Variants in DOCK8 observed in about 807,000 individuals in gnomAD.
DOCK8 encodes dedicator of cytokinesis 8.
In DOCK8, 141 loss-of-function variants were observed where a neutral mutation model predicts 245.6. The observed-to-expected ratio is 0.57, with a 90% CI of 0.50 to 0.66. DOCK8 has a LOEUF of 0.66. Ranked by LOEUF, DOCK8 falls within the 30% of genes least tolerant of loss-of-function variation. The pLI is 0.00. For synonymous variants in DOCK8, 1,168 were observed against 970.2 expected, an observed-to-expected ratio of 1.20 and a Z score of -3.79; for missense variants, 2,965 against 2,603.4, an observed-to-expected ratio of 1.14 and a Z score of -3.02.
At chr9:275,575 A>G (rs571177902) in intron 2 of DOCK8, among the ~76,000 whole-genome samples, 3 of 152,248 alleles carry the variant, frequency 2.0e-5, no homozygotes, top group South Asian at 2.1e-4. Flanking sequence ...CAGCTCTGTT[A>G]TTTATTTATT....
At chr9:356,304 G>A (rs953631958) in intron 14 of DOCK8, among the ~76,000 whole-genome samples, 2 of 152,022 alleles carry the variant, frequency 1.3e-5, no homozygotes, top group Admixed American at 6.6e-5. Context: ...CGAGGCGGGC[G>A]GATCACGAGG....
chr9:325,650 T>G lies in DOCK8; in HGVS notation c.828-21T>G, dbSNP rs377292038. ...TTATCTAACTCAAAGCCACATAGAT[T>G]TTCCTCTCTTTCTATGGTAGGTTCG... On this transcript the variant is annotated intron_variant, in intron 7 of 47. Coordinates refer to ENST00000432829, the MANE Select transcript of DOCK8 (RefSeq NM_203447.4). 24 of 1,609,178 alleles carry G rather than the reference T, an allele frequency of 1.5e-5. No homozygotes were observed. In the African/African-American group the frequency reaches 2.7e-4, roughly 18 times the overall value.
intron 14 of DOCK8, among the ~76,000 whole-genome samples, chr9:351,043 A>G (rs2052142554): frequency 6.6e-6 from 1 of 152,098 alleles, no homozygotes; most frequent in East Asian, 1.9e-4. Context: ...GTTCACTGGG[A>G]TTTTGTTGTA....
intron 1 of DOCK8, among the ~76,000 whole-genome samples, chr9:246,417 C>A (rs1170961550): frequency 1.3e-5 from 2 of 152,006 alleles, no homozygotes; most frequent in African/African-American, 4.8e-5. Flanking sequence ...GTAGTCCCAC[C>A]TACTAGAGAG....
In DOCK8 at chr9:429,736, A is replaced by G. The variant is rs2056639719; in HGVS notation, c.4508A>G (p.Gln1503Arg). The G allele has an allele frequency of 6.2e-7, 1 of 1,614,196 alleles. No individual in the cohort carries two copies. Among genetic ancestry groups the G allele is most frequent in the South Asian group, 1.1e-5 (1 of 91,088 alleles). ...TTACTCTTTGAAGAGGAGGTGGAAC[A>G]GTGTTTCGACCTATGTCACCAAGTC... is the stretch of plus-strand genomic sequence containing the variant. The part of the protein sequence containing the change: ...GDLLFEEEVE[Q>R]CFDLCHQVLH... The change falls in exon 36 of 48, where the codon CAG (glutamine) becomes CGG (arginine). Residue 1503 changes from glutamine (Q) to arginine (R), a missense_variant. Around this residue, in one of 3 missense-constraint regions of DOCK8, gnomAD observed 2,825 missense variants for 2,453.5 expected, o/e 1.15. Transcript: ENST00000432829.
rs1487546579 is a variant in DOCK8 at position 340,308 on chromosome 9, C to T, written c.1666C>T (p.His556Tyr). ...TCCAACACGAGAAGTATATGTCCCT[C>T]ACACTGTGTACAGGTAAGAAACACA... ...EFPTREVYVP[H>Y]TVYRNLLYVY... Residue 556 changes from histidine to tyrosine, a missense_variant, in exon 14 of 48, where the codon CAC becomes TAC. Physicochemically the swap from His to Tyr is moderately conservative, Grantham distance 83. Around this residue, in one of 3 missense-constraint regions of DOCK8, gnomAD observed 2,825 missense variants for 2,453.5 expected, o/e 1.15. Coordinates refer to ENST00000432829, the MANE Select transcript of DOCK8 (RefSeq NM_203447.4). The T allele has an allele frequency of 6.2e-7, 1 of 1,614,114 alleles. No homozygotes were observed. Among genetic ancestry groups the T allele is most frequent in the Non-Finnish European group, 8.5e-7 (1 of 1,180,006 alleles).
intron 28 of DOCK8, among the ~76,000 whole-genome samples, chr9:407,666 C>G (rs2055501533): frequency 6.6e-6 from 1 of 152,288 alleles, no homozygotes; most frequent in Non-Finnish European, 1.5e-5. Context: ...CCTTCTCTCC[C>G]TATGCTCCGT....
At chr9:452,196 A>G (rs2057490005) in intron 46 of DOCK8, 79 bp downstream of exon 46, 2 of 905,362 alleles carry the variant, frequency 2.2e-6, no homozygotes, top group East Asian at 5.6e-5. Context: ...CTTCAGCATC[A>G]CCTGAGAACT....
In DOCK8 at chr9:311,060, C is replaced by T. The variant is rs199614276; in HGVS notation, c.529-894C>T. Among the ~76,000 whole-genome samples, 27 of 152,134 alleles carry T rather than the reference C, an allele frequency of 1.8e-4. No individual in the cohort carries two copies. The East Asian group carries it at 4.7e-3, about 26-fold the overall frequency. On this transcript the variant is annotated intron_variant, in intron 5 of 47. Coordinates refer to ENST00000432829, the MANE Select transcript of DOCK8 (RefSeq NM_203447.4). Reference sequence around the variant, plus strand: ...TAGCACTTTGGGAGGTTGATGGCGGCGGATCACCTAAGGTCAGGAGTTTCA... The same window carrying T: ...TAGCACTTTGGGAGGTTGATGGCGGTGGATCACCTAAGGTCAGGAGTTTCA...
intron 14 of DOCK8, among the ~76,000 whole-genome samples, chr9:354,193 G>A (rs972748945): frequency 6.6e-5 from 10 of 152,082 alleles, no homozygotes; most frequent in Admixed American, 3.3e-4. Context: ...TTAGCCAGCC[G>A]TGGTGACGGG....
At position 396,893 on chromosome 9, in the gene DOCK8, G is replaced by A. The variant is rs199782622; in HGVS notation, c.3079G>A (p.Val1027Ile). 1.5e-4 allele frequency: 247 copies of A among 1,614,098 alleles called. 3 individuals are homozygous for A. In the South Asian group the frequency reaches 2.6e-3, roughly 17 times the overall value. ...MDDITTIVNV[V>I]TSEIAALLVK... ...TGACATAACTACTATTGTTAATGTGGTCACCTCGGAAATTGCAGCCCTTTT... is the reference window on the plus strand; with the variant it reads ...TGACATAACTACTATTGTTAATGTGATCACCTCGGAAATTGCAGCCCTTTT... Residue 1027 changes from valine to isoleucine, a missense_variant, in exon 25 of 48, where the codon GTC becomes ATC. By Grantham distance (29) the Val-to-Ile change is conservative (BLOSUM62 3). This residue lies in a region of DOCK8 where 2,825 missense variants were observed against 2,453.5 expected (regional missense o/e 1.15). Coordinates refer to ENST00000432829, the MANE Select transcript of DOCK8 (RefSeq NM_203447.4).
At chr9:216,267 C>T (rs1188011352) in intron 1 of DOCK8, among the ~76,000 whole-genome samples, 2 of 152,102 alleles carry the variant, frequency 1.3e-5, no homozygotes, top group Non-Finnish European at 2.9e-5. Context: ...CCATGGCTCA[C>T]ACCTCTAATC....
intron 9 of DOCK8, among the ~76,000 whole-genome samples, chr9:331,039 A>G (rs1351753724): frequency 1.3e-5 from 2 of 152,188 alleles, no homozygotes; most frequent in East Asian, 3.8e-4. Flanking sequence ...GAAGTTCTTC[A>G]TCTCTGTTCA....
chr9:451,531 G>T lies in DOCK8; in HGVS notation c.5962-480G>T, dbSNP rs188149236. Among the ~76,000 whole-genome samples the T allele has an allele frequency of 6.5e-4, 99 of 152,136 alleles. 1 individual carries two copies. Among genetic ancestry groups the T allele is most frequent in the Admixed American group, 5.8e-3 (89 of 15,268 alleles). Reference sequence around the variant, plus strand: ...TCAGCTACTTGGGAGGCTGACATGGGAGGATCACTTGAGCCTGGGAAGTGG... The same window carrying T: ...TCAGCTACTTGGGAGGCTGACATGGTAGGATCACTTGAGCCTGGGAAGTGG... On this transcript the variant is annotated intron_variant, in intron 45 of 47. Transcript: ENST00000432829.
intron 14 of DOCK8, among the ~76,000 whole-genome samples, chr9:349,619 A>G (rs947784808): frequency 1.3e-5 from 2 of 152,172 alleles, no homozygotes; most frequent in Non-Finnish European, 2.9e-5. Flanking sequence ...TAGGGGTGAC[A>G]TGGGCTGAGC....
At chr9:326,042 C>G (rs1326049950) in intron 8 of DOCK8, among the ~76,000 whole-genome samples, 2 of 152,184 alleles carry the variant, frequency 1.3e-5, no homozygotes, top group Non-Finnish European at 2.9e-5. Context: ...TTTTAACAAG[C>G]TTGGATGCGC....
chr9:384,208 T>C (rs1261087493), intron 22 of DOCK8, among the ~76,000 whole-genome samples: 3 of 152,228 alleles, frequency 2.0e-5, no homozygotes, highest in Non-Finnish European at 4.4e-5. Flanking sequence ...ATTATGATAT[T>C]ATTCACATAC....
At chr9:377,281 G>C in intron 20 of DOCK8, 70 bp downstream of exon 20, 2 of 1,408,352 alleles carry the variant, frequency 1.4e-6, no homozygotes, top group Non-Finnish European at 1.9e-6. Flanking sequence ...AATGAAAAAT[G>C]ACTTTCCAGA....
chr9:311,011 C>T (rs545993534), intron 5 of DOCK8, among the ~76,000 whole-genome samples: 51 of 152,162 alleles, frequency 3.4e-4, no homozygotes, highest in East Asian at 7.8e-4. Context: ...TGGGGCCGGG[C>T]GCAGTGGCTC....
Sources: allele counts gnomAD v4.1 joint callset (sites outside exome capture counted in the v4.1 genomes callset), GRCh38; gene constraint gnomAD v4.1.1; regional missense constraint gnomAD v4.1.1; transcripts MANE v1.5; gene names NCBI Gene and HGNC (gene_info 2026-07-23, HGNC 2026-07-21).